HCN2: variants seen among roughly 807,000 people sequenced by gnomAD.
HCN2 encodes hyperpolarization activated cyclic nucleotide gated potassium and sodium channel 2.
In HCN2, 20 loss-of-function variants were observed where a neutral mutation model predicts 52.3. That is an observed-to-expected ratio of 0.38 (90% CI 0.27 to 0.56). The LOEUF (loss-of-function observed/expected upper bound fraction) is 0.56. HCN2 is among the 20% of genes least tolerant of loss of function. The pLI is 0.71. For missense variants in HCN2, 981 were observed against 1,207.7 expected, an observed-to-expected ratio of 0.81 and a Z score of 2.78; for synonymous variants, 694 against 537.0, an observed-to-expected ratio of 1.29 and a Z score of -4.04.
intron 7 of HCN2, among the ~76,000 whole-genome samples, chr19:614,520 G>C (rs561398272): frequency 5.9e-5 from 9 of 152,180 alleles, no homozygotes; most frequent in Admixed American, 5.9e-4. Context: ...ACCAGGGTAA[G>C]GGATGCCATG....
At chr19:602,775 G>A (rs1983250545) in intron 1 of HCN2, among the ~76,000 whole-genome samples, 1 of 152,200 alleles carries the variant, frequency 6.6e-6, no homozygotes. Flanking sequence ...CCACCTCTTG[G>A]GCCTTGTGAG....
In HCN2 at chr19:610,387, C is replaced by A; in HGVS notation, c.1566C>A (p.Leu522=). 1 of 1,613,450 alleles carries A rather than the reference C, an allele frequency of 6.2e-7. No individual in the cohort carries two copies. The highest frequency in any genetic ancestry group is 8.5e-7 in the Non-Finnish European group (1 of 1,179,666). Residue 522 remains leucine (L), a synonymous_variant, in exon 5 of 8, where the codon CTC becomes CTA. Coordinates refer to ENST00000251287, the MANE Select transcript of HCN2 (RefSeq NM_001194.4). ...MFDEDSILGE[L]NGPLREEIVN... Reference sequence around the variant, plus strand: ...ACGAGGACAGCATCCTGGGCGAGCTCAACGGGCCCCTGCGGGAGGTGAGGC... The same window carrying A: ...ACGAGGACAGCATCCTGGGCGAGCTAAACGGGCCCCTGCGGGAGGTGAGGC...
Position 617,134 on chromosome 19 carries a change from G to A in HCN2, c.*660G>A, listed in dbSNP as rs1449098768. ...ATTAACCCCCACACCCCCATTCCGCGCAATAAACGACAGCATTGGCGCCAA... is the reference window on the plus strand; with the variant it reads ...ATTAACCCCCACACCCCCATTCCGCACAATAAACGACAGCATTGGCGCCAA... On this transcript the variant is annotated 3_prime_UTR_variant, in exon 8 of 8. Coordinates refer to ENST00000251287, the MANE Select transcript of HCN2 (RefSeq NM_001194.4). 12 of 494,656 alleles carry A rather than the reference G, an allele frequency of 2.4e-5. No individual in the cohort carries two copies. The East Asian group carries it at 3.7e-4, about 15-fold the overall frequency. 30.6% of individuals were successfully genotyped at this position (494,656 alleles called of 1,614,324 possible). A position where few individuals can be genotyped will look rare whatever the true frequency, so the allele number is the denominator to read the frequency against.
Position 616,568 on chromosome 19 carries a change from C to A in HCN2, c.*94C>A. On this transcript the variant is annotated 3_prime_UTR_variant, in exon 8 of 8. Transcript: ENST00000251287. ...CATTGCGCTGCCCCGGCCGCCAGTC[C>A]GCCCAGAAGCCATAGACGAGACGTA... is the stretch of plus-strand genomic sequence containing the variant. 1.3e-6 allele frequency: 1 copy of A among 750,604 alleles called. No homozygotes were observed. Among genetic ancestry groups the A allele is most frequent in the Non-Finnish European group, 1.7e-6 (1 of 580,264 alleles). The allele number at this position is 750,604 out of a possible 1,614,324, so 46.5% of individuals were successfully genotyped here.
Position 591,691 on chromosome 19 carries a change from C to G in HCN2, c.632+1114C>G, listed in dbSNP as rs1022644234. 3.3e-5 allele frequency among the ~76,000 whole-genome samples: 5 copies of G among 152,100 alleles called. No individual in the cohort carries two copies. Among genetic ancestry groups the G allele is most frequent in the Non-Finnish European group, 4.4e-5 (3 of 67,976 alleles). On this transcript the variant is annotated intron_variant, in intron 1 of 7. Coordinates refer to ENST00000251287, the MANE Select transcript of HCN2 (RefSeq NM_001194.4). This position sits in a 1 kb window ranked among gnomAD's most constrained non-coding sequence, Gnocchi z 4.1. ...CGGTTTCAGCACCACGGACAGCGCG[C>G]CGGACCTGGGAAGCCTGCGGTTTTC...
At position 613,893 on chromosome 19, in the gene HCN2, C is replaced by T. The variant is rs774522429; in HGVS notation, c.1867C>T (p.Arg623Trp). 10 of 1,597,576 alleles carry T rather than the reference C, an allele frequency of 6.3e-6. No individual in the cohort carries two copies. The highest frequency in any genetic ancestry group is 3.3e-5 in the South Asian group (3 of 89,946). The part of the protein sequence containing the change: ...LTRGRRTASV[R>W]ADTYCRLYSL... ...CCGGGGCCGCCGCACGGCGAGCGTG[C>T]GGGCTGACACCTACTGCCGCCTCTA... The change falls in exon 7 of 8, where the codon CGG becomes TGG. Residue 623 changes from arginine (R) to tryptophan (W), a missense_variant. Around this residue, in one of 6 missense-constraint regions of HCN2, gnomAD observed 85 missense variants for 106.1 expected, o/e 0.80. Coordinates refer to ENST00000251287, the MANE Select transcript of HCN2 (RefSeq NM_001194.4).
intron 7 of HCN2, 116 bp from the exon 8 acceptor site, chr19:615,679 T>C (rs1448261382): frequency 2.1e-6 from 2 of 944,224 alleles, no homozygotes; most frequent in Non-Finnish European, 3.4e-6. Flanking sequence ...GGTAAATGCA[T>C]GCTTGCTCTA....
intron 6 of HCN2, 78 bp from the exon 7 acceptor site, chr19:613,774 G>C: frequency 7.2e-7 from 1 of 1,387,594 alleles, no homozygotes; most frequent in South Asian, 1.6e-5. Context: ...AAGGTGCAGA[G>C]GCCGGGCCGT....
Position 617,099 on chromosome 19 carries a change from C to G in HCN2, c.*625C>G. On this transcript the variant is annotated 3_prime_UTR_variant, in exon 8 of 8. Transcript: ENST00000251287. ...GGCAGCAGTGCCCCCACCGTGGCCC[C>G]CCACGCCCCATTAACCCCCACACCC... The G allele has an allele frequency of 3.9e-6, 2 of 514,856 alleles. 1 individual carries two copies. Among genetic ancestry groups the G allele is most frequent in the East Asian group, 7.1e-5 (2 of 28,308 alleles). 31.9% of individuals were successfully genotyped at this position (514,856 alleles called of 1,614,324 possible). A position where few individuals can be genotyped will look rare whatever the true frequency, so the allele number is the denominator to read the frequency against.
chr19:603,371 GTGCCCCTCGTCC>G (rs1983281981), intron 1 of HCN2, among the ~76,000 whole-genome samples, 161 bp from the exon 2 acceptor site: 1 of 149,590 alleles, frequency 6.7e-6, no homozygotes, highest in Non-Finnish European at 1.5e-5. Flanking sequence ...TGAGGTGTGG[GTGCCCCTCGTCC>G]CACAGGGAAG....
Position 616,414 on chromosome 19 carries a change from C to A in HCN2, c.2610C>A (p.Gly870=), listed in dbSNP as rs1244953248. The change falls in exon 8 of 8, where the codon GGC becomes GGA. Residue 870 remains glycine (G), a synonymous_variant. Coordinates refer to ENST00000251287, the MANE Select transcript of HCN2 (RefSeq NM_001194.4). ...ACCGCAGGGACTCGGCCTCACCCGGCGCCGCCGGCGGCCTGGACCCCCAGG... is the reference window on the plus strand; with the variant it reads ...ACCGCAGGGACTCGGCCTCACCCGGAGCCGCCGGCGGCCTGGACCCCCAGG... The part of the protein sequence containing the change: ...SPDRRDSASP[G]AAGGLDPQDS... 1.3e-5 allele frequency: 16 copies of A among 1,238,332 alleles called. No homozygotes were observed. The highest frequency in any genetic ancestry group is 1.2e-5 in the Non-Finnish European group (12 of 988,404). The allele number at this position is 1,238,332 out of a possible 1,614,324, so 76.7% of individuals were successfully genotyped here.
Position 616,397 on chromosome 19 carries a change from G to T in HCN2, c.2593G>T (p.Asp865Tyr). The T allele has an allele frequency of 8.1e-7, 1 of 1,239,542 alleles. No homozygotes were observed. The highest frequency in any genetic ancestry group is 1.6e-5 in the African/African-American group (1 of 61,810). 76.8% of individuals were successfully genotyped at this position (1,239,542 alleles called of 1,614,324 possible). Residue 865 changes from aspartate (D) to tyrosine (Y), a missense_variant, in exon 8 of 8, where the codon GAC becomes TAC. Coordinates refer to ENST00000251287, the MANE Select transcript of HCN2 (RefSeq NM_001194.4). ...CGCCGCGCCCAGCCCGGACCGCAGG[G>T]ACTCGGCCTCACCCGGCGCCGCCGG... ...RAAAPSPDRR[D>Y]SASPGAAGGL...
At chr19:613,692 C>CGGGGATGGGGATGGGGCCGGGGAT in intron 6 of HCN2, among the ~76,000 whole-genome samples, 160 bp from the exon 7 acceptor site, 1 of 19,366 alleles carries the variant, frequency 5.2e-5, no homozygotes, top group African/African-American at 2.7e-4. Flanking sequence ...GGGATGGGGC[C>CGGGGATGGGGATGGGGCCGGGGAT]GGGGATGGGG....
rs1983899797 is a variant in HCN2, at chr19:616,072, C to T, written c.2268C>T (p.Arg756=). The T allele has an allele frequency of 9.1e-7, 1 of 1,101,824 alleles. No individual in the cohort carries two copies. Among genetic ancestry groups the T allele is most frequent in the Non-Finnish European group, 1.1e-6 (1 of 906,652 alleles). 68.3% of individuals were successfully genotyped at this position (1,101,824 alleles called of 1,614,324 possible). A position where few individuals can be genotyped will look rare whatever the true frequency, so the allele number is the denominator to read the frequency against. ...GGCCGCTGGCGCTCGGCTCGCCGCG[C>T]CTCGTGCGCCGCCCGCCCCCGGGGC... The part of the protein sequence containing the change: ...LVGPLALGSP[R]LVRRPPPGPA... The change falls in exon 8 of 8, where the codon CGC becomes CGT. Residue 756 remains arginine, a synonymous_variant. Transcript: ENST00000251287.
Position 614,130 on chromosome 19 carries a change from CAG to C in HCN2, c.1990+115_1990+116del, listed in dbSNP as rs1314281060. ...AGGGGGAAGGGCGTGGCTGTGGCAT[CAG>C]GGGCACGGTTGGGGCAGAGACGTGG... On this transcript the variant is annotated intron_variant, in intron 7 of 7. Transcript: ENST00000251287. 2.2e-5 allele frequency: 15 copies of C among 682,374 alleles called. 1 individual carries two copies. The highest frequency in any genetic ancestry group is 5.2e-5 in the African/African-American group (2 of 38,788). The allele number at this position is 682,374 out of a possible 1,614,324, so 42.3% of individuals were successfully genotyped here.
At chr19:614,602 C>T (rs1983817413) in intron 7 of HCN2, among the ~76,000 whole-genome samples, 4 of 152,070 alleles carry the variant, frequency 2.6e-5, no homozygotes, top group Admixed American at 6.5e-5. Context: ...GGAAAAGAGG[C>T]CTAGAGTCCA....
chr19:594,180 G>A (rs191615021), intron 1 of HCN2, among the ~76,000 whole-genome samples: 14 of 150,348 alleles, frequency 9.3e-5, no homozygotes, highest in Admixed American at 6.6e-4. Context: ...AGGAGGTCGC[G>A]TTCTCCGAAG....
intron 6 of HCN2, among the ~76,000 whole-genome samples, 161 bp from the exon 7 acceptor site, chr19:613,691 C>A (rs1441478749): frequency 6.5e-5 from 4 of 61,970 alleles, no homozygotes; most frequent in Admixed American, 1.6e-4. Flanking sequence ...GGGGATGGGG[C>A]CGGGGATGGG....
At chr19:600,895 T>C (rs1983181268) in intron 1 of HCN2, among the ~76,000 whole-genome samples, 1 of 152,172 alleles carries the variant, frequency 6.6e-6, no homozygotes, top group African/African-American at 2.4e-5. Flanking sequence ...TCCATACCTT[T>C]CTCATTCCCC....
Sources: allele counts gnomAD v4.1 joint callset (sites outside exome capture counted in the v4.1 genomes callset), GRCh38; gene constraint gnomAD v4.1.1; regional missense constraint gnomAD v4.1.1; non-coding constraint Gnocchi (gnomAD v3.1); transcripts MANE v1.5; gene names NCBI Gene and HGNC (gene_info 2026-07-23, HGNC 2026-07-21).